Variants in LARGE1 observed in about 807,000 individuals in gnomAD.
LARGE1 encodes the protein xylosyl- and glucuronyltransferase LARGE1.
Under a neutral mutation model 87.6 loss-of-function variants are expected in LARGE1, and 43 were observed. The ratio of observed to expected loss-of-function variants is 0.49; its 90% CI spans 0.38 to 0.63. The LOEUF (loss-of-function observed/expected upper bound fraction) is 0.63. Among genes scored for constraint, LARGE1 ranks in the 30% least tolerant of loss-of-function variants. The pLI, the probability that LARGE1 is intolerant of heterozygous loss-of-function variation, is 0.00. For synonymous variants in LARGE1, 434 were observed against 394.6 expected, an observed-to-expected ratio of 1.10 and a Z score of -1.18; for missense variants, 802 against 1,000.2, an observed-to-expected ratio of 0.80 and a Z score of 2.67.
At chr22:33,706,737 C>A (rs1485272833) in intron 2 of LARGE1, among the ~76,000 whole-genome samples, 1 of 152,176 alleles carries the variant, frequency 6.6e-6, no homozygotes, top group African/African-American at 2.4e-5. Context: ...AAGTTCTTTT[C>A]GTCAAAAGAC....
chr22:33,409,267 A>AG (rs2066219930), intron 7 of LARGE1, among the ~76,000 whole-genome samples: 1 of 151,122 alleles, frequency 6.6e-6, no homozygotes, highest in Non-Finnish European at 1.5e-5. Flanking sequence ...GGTGGATGAC[A>AG]GGGAACAGCT....
intron 6 of LARGE1, among the ~76,000 whole-genome samples, chr22:33,551,088 G>A (rs2077510572): frequency 6.6e-6 from 1 of 152,296 alleles, no homozygotes; most frequent in African/African-American, 2.4e-5. Context: ...AGAAATTAAT[G>A]TGTATAATGT....
intron 5 of LARGE1, among the ~76,000 whole-genome samples, chr22:33,592,106 G>A (rs951078614): frequency 7.2e-6 from 1 of 139,694 alleles, no homozygotes; most frequent in Non-Finnish European, 1.6e-5. Flanking sequence ...GGGAGGGAAG[G>A]GGGACAGAGG....
intron 3 of LARGE1, among the ~76,000 whole-genome samples, chr22:33,648,052 G>C (rs141126050): frequency 6.6e-6 from 1 of 152,090 alleles, no homozygotes; most frequent in Non-Finnish European, 1.5e-5. Context: ...CCACTGTGTC[G>C]GGCCCAGAAC....
chr22:33,613,612 C>G (rs1157356528), intron 4 of LARGE1, among the ~76,000 whole-genome samples: 1 of 152,198 alleles, frequency 6.6e-6, no homozygotes, highest in East Asian at 1.9e-4. Flanking sequence ...CCTGCCTCAG[C>G]CTCCTGAGTA....
At chr22:33,793,584 C>T (rs1569449303) in intron 1 of LARGE1, among the ~76,000 whole-genome samples, 1 of 152,196 alleles carries the variant, frequency 6.6e-6, no homozygotes, top group Non-Finnish European at 1.5e-5. Flanking sequence ...AGGAATATTG[C>T]TTCTTTTCTC....
At position 33,550,628 on chromosome 22, in the gene LARGE1, C is replaced by T. The variant is rs187425283; in HGVS notation, c.787+14220G>A. On this transcript the variant is annotated intron_variant, in intron 6 of 14. Coordinates refer to ENST00000397394, the MANE Select transcript of LARGE1 (RefSeq NM_133642.5). ...GGTGGGAATGTAAATTAGAAGAAAA[C>T]AGTATGGAGAGTTCTCAAAAAACTA... Among the ~76,000 whole-genome samples the T allele has an allele frequency of 3.3e-5, 5 of 152,222 alleles. No individual in the cohort carries two copies. The East Asian group carries it at 9.6e-4, about 29-fold the overall frequency.
At chr22:33,432,367 A>G in intron 6 of LARGE1, 102 bp from the exon 7 acceptor site, 1 of 839,760 alleles carries the variant, frequency 1.2e-6, no homozygotes. Flanking sequence ...TCACAACAAC[A>G]GTATTCACTT....
At chr22:33,712,403 T>C (rs2082758987) in intron 2 of LARGE1, among the ~76,000 whole-genome samples, 2 of 152,152 alleles carry the variant, frequency 1.3e-5, no homozygotes, top group Admixed American at 6.5e-5. Context: ...CGAAGGCTTC[T>C]AGAGGAGACC....
At chr22:33,125,709 T>C in the LARGE1 span, among the ~76,000 whole-genome samples, 1 of 152,328 alleles carries the variant, frequency 6.6e-6, no homozygotes, top group Non-Finnish European at 1.5e-5. Context: ...CCTCCCAAAG[T>C]CCTGGGATTA....
intron 2 of LARGE1, among the ~76,000 whole-genome samples, chr22:33,699,319 G>A (rs571386335): frequency 9.8e-5 from 15 of 152,346 alleles, no homozygotes; most frequent in African/African-American, 3.6e-4. Context: ...ACAGGCTTCA[G>A]TGAAAATCCC....
intron 11 of LARGE1, among the ~76,000 whole-genome samples, chr22:33,174,860 A>C (rs1428432045): frequency 6.6e-6 from 1 of 152,208 alleles, no homozygotes; most frequent in East Asian, 1.9e-4. Flanking sequence ...ATAGCCTACC[A>C]ACCAAAAAAT....
chr22:33,168,963 T>C (rs946275800), intron 11 of LARGE1, among the ~76,000 whole-genome samples: 2 of 152,222 alleles, frequency 1.3e-5, no homozygotes, highest in Admixed American at 6.5e-5. Flanking sequence ...GGTCTTTTCC[T>C]GTAAACCAGC....
At chr22:33,328,116 C>A (rs1323468840) in intron 10 of LARGE1, among the ~76,000 whole-genome samples, 2 of 152,116 alleles carry the variant, frequency 1.3e-5, no homozygotes, top group East Asian at 1.9e-4. Context: ...AATGAAGGAG[C>A]CCTGGAGAGA....
chr22:33,562,768 T>C (rs902811539), intron 6 of LARGE1: 1 of 152,354 alleles, frequency 6.6e-6, no homozygotes, highest in Non-Finnish European at 1.5e-5. Context: ...TGCAAGAGAA[T>C]AAACGTGATT....
intron 4 of LARGE1, among the ~76,000 whole-genome samples, chr22:33,605,177 T>C (rs2079219034): frequency 6.6e-6 from 1 of 152,068 alleles, no homozygotes; most frequent in South Asian, 2.1e-4. Context: ...CTCCAGCCTC[T>C]ACTGAAAGCT....
intron 7 of LARGE1, among the ~76,000 whole-genome samples, chr22:33,412,573 T>G (rs147678528): frequency 6.6e-6 from 1 of 152,172 alleles, no homozygotes; most frequent in African/African-American, 2.4e-5. Context: ...AATTAACAAG[T>G]TTTAAGAGTT....
At chr22:33,536,890 C>T (rs186279727) in intron 6 of LARGE1, among the ~76,000 whole-genome samples, 1 of 152,364 alleles carries the variant, frequency 6.6e-6, no homozygotes, top group South Asian at 2.1e-4. Context: ...CAGCTCACTA[C>T]AACCTCTGCC....
At position 33,650,642 on chromosome 22, in the gene LARGE1, G is replaced by C. The variant is rs746280845; in HGVS notation, c.133C>G (p.Leu45Val). Residue 45 changes from leucine (L) to valine (V), a missense_variant, in exon 3 of 15, where the codon CTG becomes GTG. Coordinates refer to ENST00000397394, the MANE Select transcript of LARGE1 (RefSeq NM_133642.5). ...EDGKPVSLSP[L>V]ESQAHSPRYT... ...CTGGGGCTGTGTGCCTGGGACTCCA[G>C]CGGTGACAGAGACACGGGCTTTCCA... 1.9e-6 allele frequency: 3 copies of C among 1,602,234 alleles called. No homozygotes were observed. Among genetic ancestry groups the C allele is most frequent in the Non-Finnish European group, 2.5e-6 (3 of 1,179,954 alleles).
Sources: gnomAD v4.1 joint callset for allele counts (sites outside exome capture counted in the v4.1 genomes callset) on GRCh38, gnomAD v4.1.1 for gene constraint, MANE v1.5 for transcripts, NCBI Gene and HGNC (gene_info 2026-07-23, HGNC 2026-07-21) for gene names.